Variants in PPP2R3C observed in about 807,000 individuals in gnomAD.
PPP2R3C encodes the protein protein phosphatase 2 regulatory subunit B''gamma, also known as serine/threonine-protein phosphatase 2A regulatory subunit B'' subunit gamma.
In PPP2R3C, 47 loss-of-function variants were observed where a neutral mutation model predicts 63.7. That is an observed-to-expected ratio of 0.74 (90% confidence interval 0.58 to 0.94). PPP2R3C has a LOEUF of 0.94. Ranked by LOEUF, PPP2R3C falls within the 40% of genes least tolerant of loss-of-function variation. The probability of loss-of-function intolerance (pLI) is 0.00; values close to 1 mark genes in which losing one functional copy is unlikely to be tolerated. For missense variants in PPP2R3C, 421 were observed against 518.4 expected (o/e 0.81, Z 1.82); for synonymous variants, 180 against 177.4 (o/e 1.01, Z -0.12).
intron 2 of PPP2R3C, among the ~76,000 whole-genome samples, chr14:35,115,706 C>A (rs2046690824): frequency 1.3e-5 from 2 of 152,122 alleles, no homozygotes; most frequent in Non-Finnish European, 2.9e-5. Flanking sequence ...ACTACAACCT[C>A]CACCTCCTGG....
rs376184780 is a variant in PPP2R3C, at chr14:35,109,022, C to T, written c.405-786G>A. On this transcript the variant is annotated intron_variant, in intron 4 of 12. Coordinates refer to ENST00000261475, the MANE Select transcript of PPP2R3C (RefSeq NM_017917.4). ...CCTTGCATTCTTTTTTGTTTGCTTT[C>T]GTCTGTCTTAAGGCTGAAAGTGTCA... is the stretch of plus-strand genomic sequence containing the variant. Among the ~76,000 whole-genome samples the T allele has an allele frequency of 1.3e-4, 19 of 151,414 alleles. No individual in the cohort carries two copies. In the East Asian group the frequency reaches 3.1e-3, roughly 25 times the overall value.
intron 12 of PPP2R3C, 115 bp from the exon 13 acceptor site, chr14:35,085,893 G>T: frequency 5.2e-6 from 4 of 772,616 alleles, no homozygotes; most frequent in Non-Finnish European, 5.8e-6. Flanking sequence ...TAAAATTGAG[G>T]GCTGCCACTT....
chr14:35,100,982 T>C (rs186924172), intron 6 of PPP2R3C: 18 of 152,120 alleles, frequency 1.2e-4, no homozygotes, highest in African/African-American at 4.3e-4. Context: ...ATGAATATAT[T>C]CCTTTTTTTT....
intron 5 of PPP2R3C, chr14:35,107,763 A>G: frequency 2.8e-6 from 1 of 358,992 alleles, no homozygotes; most frequent in Non-Finnish European, 4.9e-6. Context: ...CATAAGTCCA[A>G]GCTGTTTAAT....
At chr14:35,119,661 C>T (rs1474626576) in intron 1 of PPP2R3C, among the ~76,000 whole-genome samples, 1 of 151,664 alleles carries the variant, frequency 6.6e-6, no homozygotes, top group Non-Finnish European at 1.5e-5. Flanking sequence ...CCCCCGACCA[C>T]CCACCTTTTA....
At chr14:35,118,716 C>T (rs867951996) in intron 1 of PPP2R3C, among the ~76,000 whole-genome samples, 11 of 141,928 alleles carry the variant, frequency 7.8e-5, no homozygotes, top group African/African-American at 2.4e-4. Flanking sequence ...GGCAGTGGCG[C>T]GATCTTGGCT....
chr14:35,108,116 C>T (rs1425935903), intron 5 of PPP2R3C, 23 bp downstream of exon 5: 1 of 1,603,196 alleles, frequency 6.2e-7, no homozygotes, highest in South Asian at 1.1e-5. Context: ...ATAAGGAGTT[C>T]AAGCACAGTA....
chr14:35,089,907 C>T (rs557905538), intron 11 of PPP2R3C, among the ~76,000 whole-genome samples: 4 of 152,124 alleles, frequency 2.6e-5, no homozygotes, highest in East Asian at 3.9e-4. Flanking sequence ...CCTTGCGATC[C>T]GCCCACCCTG....
intron 11 of PPP2R3C, among the ~76,000 whole-genome samples, chr14:35,089,077 G>A (rs966654939): frequency 7.9e-5 from 12 of 152,122 alleles, no homozygotes; most frequent in African/African-American, 2.4e-4. Flanking sequence ...ATGAGCCGCT[G>A]ATATAAGCCC....
At chr14:35,096,811 G>T in intron 7 of PPP2R3C, 47 bp from the exon 8 acceptor site, 1 of 1,492,658 alleles carries the variant, frequency 6.7e-7, no homozygotes, top group South Asian at 1.3e-5. Flanking sequence ...TAAGAAAAGA[G>T]CAACTCAATT....
Position 35,088,838 on chromosome 14 carries a change from A to C in PPP2R3C, c.1114-828T>G, listed in dbSNP as rs557062015. The stretch of plus-strand genomic sequence containing the variant: ...CATTGGACACTTTTTACCTTATCCC[A>C]TATAACCAAGCCTAAATAAGCTTTG... On this transcript the variant is annotated intron_variant, in intron 11 of 12. Transcript: ENST00000261475. Among the ~76,000 whole-genome samples the C allele has an allele frequency of 1.1e-3, 164 of 152,372 alleles. 1 individual carries two copies. Among genetic ancestry groups the C allele is most frequent in the African/African-American group, 3.6e-3 (150 of 41,592 alleles).
intron 10 of PPP2R3C, 113 bp from the exon 11 acceptor site, chr14:35,091,320 C>T (rs2045809362): frequency 9.6e-7 from 1 of 1,041,366 alleles, no homozygotes; most frequent in Non-Finnish European, 1.3e-6. Context: ...TTAATTTTTT[C>T]CCTAAGTTAT....
At chr14:35,117,055 GA>G (rs2138718540) in intron 1 of PPP2R3C, 1 of 455,858 alleles carries the variant, frequency 2.2e-6, no homozygotes, top group East Asian at 6.9e-5. Flanking sequence ...TCAATGAAAA[GA>G]ATTTACTGAG....
In PPP2R3C at chr14:35,096,566, C is replaced by T; in HGVS notation, c.830G>A (p.Arg277Lys). 6.2e-7 allele frequency: 1 copy of T among 1,612,724 alleles called. No homozygotes were observed. Among genetic ancestry groups the T allele is most frequent in the Non-Finnish European group, 8.5e-7 (1 of 1,178,918 alleles). The change falls in exon 9 of 13, where the codon AGA becomes AAA. Residue 277 changes from arginine to lysine, a missense_variant. Physicochemically the swap from Arg to Lys is conservative, Grantham distance 26. Around this residue, in one of 3 missense-constraint regions of PPP2R3C, gnomAD observed 231 missense variants for 264.8 expected, o/e 0.87. Coordinates refer to ENST00000261475, the MANE Select transcript of PPP2R3C (RefSeq NM_017917.4). ...TNWFSAPSAL[R>K]VYGQYLNLDK... is the part of the protein sequence containing the mutation. Reference sequence around the variant, plus strand: ...TTATGATAGGAACATACCATAAACTCTTAGGGCAGAAGGAGCAGAAAACCA... The same window carrying T: ...TTATGATAGGAACATACCATAAACTTTTAGGGCAGAAGGAGCAGAAAACCA...
chr14:35,119,739 G>C (rs1046054632), intron 1 of PPP2R3C, among the ~76,000 whole-genome samples: 1 of 151,112 alleles, frequency 6.6e-6, no homozygotes, highest in African/African-American at 2.5e-5. Context: ...AAAATCTGAT[G>C]ATGTAGGAAA....
intron 3 of PPP2R3C, chr14:35,110,306 C>A: frequency 2.1e-6 from 1 of 483,374 alleles, no homozygotes; most frequent in Admixed American, 3.9e-5. Context: ...ACATTAGAAT[C>A]ACCTAGGGCC....
At position 35,115,534 on chromosome 14, in the gene PPP2R3C, C is replaced by T. The variant is rs186991640; in HGVS notation, c.186+1076G>A. ...AGTGCAGTGACCCTACCATGAATAG[C>T]TTTTCTTAAGGTCTATTTTGTCTAT... On this transcript the variant is annotated intron_variant, in intron 2 of 12. Coordinates refer to ENST00000261475, the MANE Select transcript of PPP2R3C (RefSeq NM_017917.4). 2.6e-5 allele frequency among the ~76,000 whole-genome samples: 4 copies of T among 152,152 alleles called. No homozygotes were observed. The East Asian group carries it at 5.8e-4, about 22-fold the overall frequency.
intron 5 of PPP2R3C, 133 bp downstream of exon 5, chr14:35,108,006 T>C: frequency 7.6e-7 from 1 of 1,318,112 alleles, no homozygotes. Context: ...GTAACACATC[T>C]TGGTCAAAAG....
chr14:35,089,856 T>G (rs35507318), intron 11 of PPP2R3C, among the ~76,000 whole-genome samples: 45,301 of 151,476 alleles, frequency 0.3, 7,807 homozygotes, highest in Non-Finnish European at 0.39. Context: ...TTAGTAGAGA[T>G]GGGTTTCACC....
Sources: allele counts gnomAD v4.1 joint callset (sites outside exome capture counted in the v4.1 genomes callset), GRCh38; gene constraint gnomAD v4.1.1; regional missense constraint gnomAD v4.1.1; transcripts MANE v1.5; gene names NCBI Gene and HGNC (gene_info 2026-07-23, HGNC 2026-07-21).